The following ZFHX3 variants were observed in gnomAD, a reference collection of about 807,000 sequenced individuals.
ZFHX3 encodes the protein zinc finger homeobox protein 3.
ZFHX3 carries 42 observed loss-of-function variants against 279.1 expected under a neutral mutation model. That is an observed-to-expected ratio of 0.15 (90% CI 0.12 to 0.19). ZFHX3 has a LOEUF of 0.19. ZFHX3 is among the 10% of genes least tolerant of loss of function. ZFHX3 has a pLI of 1.00. For missense variants in ZFHX3, 4,981 were observed against 4,754.0 expected (o/e 1.05, Z -1.40); for synonymous variants, 2,293 against 1,957.8 (o/e 1.17, Z -4.52).
chr16:73,140,492 G>T (rs965702936), intron 6 of ZFHX3, among the ~76,000 whole-genome samples: 2 of 152,264 alleles, frequency 1.3e-5, no homozygotes, highest in African/African-American at 4.8e-5. Flanking sequence ...AAAGGTTTCA[G>T]TTCTACTATT....
At chr16:73,794,218 A>C (rs1808866456) in intron 1 of ZFHX3, 1 of 152,192 alleles carries the variant, frequency 6.6e-6, no homozygotes, top group African/African-American at 2.4e-5. Flanking sequence ...CGGTCACCAC[A>C]AGCTACAGGA....
chr16:73,728,015 G>GCACC (rs1555535413), intron 1 of ZFHX3, among the ~76,000 whole-genome samples: 1 of 75,426 alleles, frequency 1.3e-5, no homozygotes, highest in Non-Finnish European at 2.6e-5. Context: ...GCCGAATTGT[G>GCACC]CCCCCCCCCC....
intron 1 of ZFHX3, among the ~76,000 whole-genome samples, chr16:73,810,955 T>G (rs529381614): frequency 2.0e-5 from 3 of 152,250 alleles, no homozygotes; most frequent in South Asian, 2.1e-4. Flanking sequence ...TCTTCCTTTC[T>G]CTGGGCCTCT....
Position 73,170,223 on chromosome 16 carries a change from G to GTTTTTTTTTTTTTTTTTTTTTTTTTTTTT in ZFHX3, c.-1103-26393_-1103-26392insAAAAAAAAAAAAAAAAAAAAAAAAAAAAA, listed in dbSNP as rs1156523996. Among the ~76,000 whole-genome samples, 6 of 57,718 alleles carry GTTTTTTTTTTTTTTTTTTTTTTTTTTTTT rather than the reference G, an allele frequency of 1.0e-4. 2 individuals are homozygous for GTTTTTTTTTTTTTTTTTTTTTTTTTTTTT. The highest frequency in any genetic ancestry group is 6.0e-4 in the Admixed American group (2 of 3,352). The allele number at this position is 57,718 out of a possible 152,430, so 37.9% of individuals were successfully genotyped here. ...TTTTTGAAGCATCTTCCTTTCACTA[G>GTTTTTTTTTTTTTTTTTTTTTTTTTTTTT]TTTTTTTTTTTTTTTTTTTTTTTTT... On this transcript the variant is annotated intron_variant, in intron 5 of 17. Coordinates refer to the ZFHX3 transcript ENST00000641206.
intron 1 of ZFHX3, among the ~76,000 whole-genome samples, chr16:73,758,687 G>A (rs2053835115): frequency 6.6e-6 from 1 of 152,168 alleles, no homozygotes; most frequent in African/African-American, 2.4e-5. Flanking sequence ...ATTATTCAGG[G>A]TTGCTTCCTT....
chr16:72,824,818 C>T (rs371772386), intron 5 of ZFHX3, among the ~76,000 whole-genome samples: 71 of 152,278 alleles, frequency 4.7e-4, no homozygotes, highest in African/African-American at 1.4e-3. Context: ...GTTGCTGACA[C>T]GGGGGGCTCT....
At chr16:73,797,933 C>T (rs937605741) in intron 1 of ZFHX3, among the ~76,000 whole-genome samples, 1 of 151,122 alleles carries the variant, frequency 6.6e-6, no homozygotes, top group African/African-American at 2.4e-5. Flanking sequence ...CCTGCCTCAG[C>T]CTCCCTGGGA....
chr16:72,859,445 C>T (rs965284885), intron 4 of ZFHX3, among the ~76,000 whole-genome samples: 16 of 152,206 alleles, frequency 1.1e-4, no homozygotes, highest in Non-Finnish European at 2.2e-4. Context: ...CCACCTCAGC[C>T]TTCTTCTCCC....
chr16:73,196,731 A>G (rs1377092803), intron 5 of ZFHX3, among the ~76,000 whole-genome samples: 1 of 152,244 alleles, frequency 6.6e-6, no homozygotes, highest in Non-Finnish European at 1.5e-5. Context: ...CCCAAATAAT[A>G]GACCCATACG....
chr16:73,529,342 G>C (rs145035030), intron 2 of ZFHX3, among the ~76,000 whole-genome samples: 1 of 152,178 alleles, frequency 6.6e-6, no homozygotes, highest in Non-Finnish European at 1.5e-5. Flanking sequence ...AAAGGGTTTG[G>C]TGCCAAGGAA....
At chr16:73,754,933 T>C (rs954258738) in intron 1 of ZFHX3, among the ~76,000 whole-genome samples, 3 of 152,190 alleles carry the variant, frequency 2.0e-5, no homozygotes, top group Non-Finnish European at 2.9e-5. Context: ...AACTAGATGA[T>C]AGTAACAATA....
At chr16:73,824,475 T>C (rs1220347920) in intron 1 of ZFHX3, among the ~76,000 whole-genome samples, 1 of 133,360 alleles carries the variant, frequency 7.5e-6, no homozygotes, top group Non-Finnish European at 1.6e-5. Context: ...TATGTATACA[T>C]GTGCCATGCT....
intron 1 of ZFHX3, among the ~76,000 whole-genome samples, chr16:73,691,761 A>G (rs942004412): frequency 6.6e-6 from 1 of 152,180 alleles, no homozygotes; most frequent in Non-Finnish European, 1.5e-5. Flanking sequence ...CATCTTCTAC[A>G]ATATTTCAGC....
At chr16:73,278,715 C>A (rs543668310) in intron 4 of ZFHX3, among the ~76,000 whole-genome samples, 1 of 152,160 alleles carries the variant, frequency 6.6e-6, no homozygotes, top group Non-Finnish European at 1.5e-5. Context: ...CTGATTGGTG[C>A]GTTTTACAGA....
At chr16:73,457,857 T>A (rs777121720) in intron 2 of ZFHX3, among the ~76,000 whole-genome samples, 1 of 152,178 alleles carries the variant, frequency 6.6e-6, no homozygotes, top group Non-Finnish European at 1.5e-5. Context: ...GCATGGGAAG[T>A]TCTCAGCACA....
intron 5 of ZFHX3, among the ~76,000 whole-genome samples, chr16:72,828,297 C>T (rs1326872277): frequency 6.6e-6 from 1 of 152,206 alleles, no homozygotes; most frequent in Non-Finnish European, 1.5e-5. Context: ...CCCGTCACAT[C>T]ATTTCCTCTT....
At chr16:73,614,695 A>G (rs1166163336) in intron 2 of ZFHX3, among the ~76,000 whole-genome samples, 1 of 152,144 alleles carries the variant, frequency 6.6e-6, no homozygotes, top group Non-Finnish European at 1.5e-5. Flanking sequence ...CCTCACCTTT[A>G]TGAATAGAAA....
At chr16:73,008,396 G>A (rs1481304638) in intron 1 of ZFHX3, among the ~76,000 whole-genome samples, 2 of 151,960 alleles carry the variant, frequency 1.3e-5, no homozygotes, top group Admixed American at 1.3e-4. Context: ...TTCTATGGAG[G>A]ATAAAAACAT....
chr16:73,134,504 A>AT (rs746287782), intron 6 of ZFHX3: 4,914 of 139,354 alleles, frequency 0.035, 257 homozygotes, highest in African/African-American at 0.11. Context: ...CTAACTAAAC[A>AT]TTTTTTTTTT....
Sources: gnomAD v4.1 joint callset for allele counts (sites outside exome capture counted in the v4.1 genomes callset) on GRCh38, gnomAD v4.1.1 for gene constraint, MANE v1.5 for transcripts, NCBI Gene and HGNC (gene_info 2026-07-23, HGNC 2026-07-21) for gene names.